Variants in FBXO33 observed in about 807,000 individuals in gnomAD.
FBXO33 encodes the protein F-box protein 33, also known as F-box only protein 33.
FBXO33 carries 22 observed loss-of-function variants against 46.3 expected under a neutral mutation model. The observed-to-expected ratio is 0.48, with a 90% CI of 0.34 to 0.68. FBXO33 has a LOEUF of 0.68. Among genes scored for constraint, FBXO33 ranks in the 30% least tolerant of loss-of-function variants. The probability of loss-of-function intolerance (pLI) is 0.01; values close to 1 mark genes in which losing one functional copy is unlikely to be tolerated. For missense variants in FBXO33, 692 were observed against 708.8 expected (o/e 0.98, Z 0.27); for synonymous variants, 337 against 291.3 (o/e 1.16, Z -1.60).
intron 1 of FBXO33, among the ~76,000 whole-genome samples, chr14:39,428,120 C>T (rs2075524715): frequency 6.6e-6 from 1 of 152,150 alleles, no homozygotes; most frequent in African/African-American, 2.4e-5. Flanking sequence ...AATCTACATA[C>T]AAGCAGTTAG....
intron 1 of FBXO33, among the ~76,000 whole-genome samples, chr14:39,430,898 G>A (rs941488942): frequency 9.9e-5 from 15 of 152,204 alleles, no homozygotes; most frequent in African/African-American, 3.4e-4. Context: ...CAACTCCCTC[G>A]CTGCCCGCCC....
At chr14:39,425,278 T>C (rs1443413766) in intron 1 of FBXO33, among the ~76,000 whole-genome samples, 2 of 152,222 alleles carry the variant, frequency 1.3e-5, no homozygotes, top group African/African-American at 2.4e-5. Context: ...ACTTCATCTA[T>C]GGTAGTAAAC....
chr14:39,401,227 A>T lies in FBXO33; in HGVS notation c.1345T>A (p.Leu449Met). The change falls in exon 3 of 4, where the codon TTG becomes ATG. Residue 449 changes from leucine to methionine, a missense_variant. By Grantham distance (15) the Leu-to-Met change is conservative. This residue lies in a region of FBXO33 where 186 missense variants were observed against 246.1 expected (regional missense o/e 0.76). Transcript: ENST00000298097. Reference sequence around the variant, plus strand: ...GTGCACCTCCATGCTAATAAAACCAACGGATCTTCATTTCGGTTGTCACTA... The same window carrying T: ...GTGCACCTCCATGCTAATAAAACCATCGGATCTTCATTTCGGTTGTCACTA... ...DLSDNRNEDPLVLLAWRCTKL... is the reference protein window; with the variant it reads ...DLSDNRNEDPMVLLAWRCTKL... 1 of 1,612,378 alleles carries T rather than the reference A, an allele frequency of 6.2e-7. No homozygotes were observed. Among genetic ancestry groups the T allele is most frequent in the Non-Finnish European group, 8.5e-7 (1 of 1,179,308 alleles).
chr14:39,414,777 T>C (rs2075439536), intron 1 of FBXO33, among the ~76,000 whole-genome samples: 1 of 152,154 alleles, frequency 6.6e-6, no homozygotes, highest in African/African-American at 2.4e-5. Flanking sequence ...TCCTCCCACC[T>C]CAGCCTCCCA....
Position 39,399,477 on chromosome 14 carries a change from T to A in FBXO33, c.*39A>T, listed in dbSNP as rs1163669748. On this transcript the variant is annotated 3_prime_UTR_variant, in exon 4 of 4. Coordinates refer to ENST00000298097, the MANE Select transcript of FBXO33 (RefSeq NM_203301.4). ...AAAAAAAAACATAATAGGACCCTAC[T>A]TGCATATGTAACCACAGGAATTCTA... The A allele has an allele frequency of 1.3e-6, 2 of 1,567,330 alleles. No homozygotes were observed. Among genetic ancestry groups the A allele is most frequent in the South Asian group, 2.4e-5 (2 of 84,630 alleles).
intron 1 of FBXO33, among the ~76,000 whole-genome samples, chr14:39,421,189 C>A (rs557836569): frequency 6.6e-6 from 1 of 152,304 alleles, no homozygotes; most frequent in Non-Finnish European, 1.5e-5. Context: ...TTTCCTTGAA[C>A]AAAAATTCTC....
At chr14:39,424,881 C>T (rs12588175) in intron 1 of FBXO33, among the ~76,000 whole-genome samples, 40,913 of 151,744 alleles carry the variant, frequency 0.27, 5,755 homozygotes, top group East Asian at 0.52. Context: ...GGTGAAACCC[C>T]GTCTCTACTA....
intron 1 of FBXO33, 129 bp downstream of exon 1, chr14:39,431,435 C>A (rs1461176549): frequency 8.0e-6 from 12 of 1,494,322 alleles, no homozygotes; most frequent in Middle Eastern, 1.9e-4. Context: ...TTAGAACCAA[C>A]ACTCTCCGTC....
rs760396523 is a variant in FBXO33 at position 39,432,147 on chromosome 14, A to T, written c.16T>A (p.Ser6Thr). ...CCCGGCGGTCGGGGCTGCGGCACTG[A>T]CAAGAACAACAACATCAATGACTAG... MLLFL[S>T]VPQPRPPGAR... The change falls in exon 1 of 4, where the codon TCA (serine) becomes ACA (threonine). Residue 6 changes from serine to threonine, a missense_variant. This residue lies in a region of FBXO33 where 412 missense variants were observed against 370.8 expected (regional missense o/e 1.11). Coordinates refer to ENST00000298097, the MANE Select transcript of FBXO33 (RefSeq NM_203301.4). 349 of 1,235,852 alleles carry T rather than the reference A, an allele frequency of 2.8e-4. No individual in the cohort carries two copies. Among genetic ancestry groups the T allele is most frequent in the Admixed American group, 1.2e-3 (29 of 24,204 alleles). The allele number at this position is 1,235,852 out of a possible 1,614,324, so 76.6% of individuals were successfully genotyped here.
At chr14:39,430,683 C>A (rs775112791) in intron 1 of FBXO33, among the ~76,000 whole-genome samples, 2 of 152,062 alleles carry the variant, frequency 1.3e-5, no homozygotes, top group Non-Finnish European at 2.9e-5. Context: ...TCTAAACTTT[C>A]TTCTAATAAG....
At chr14:39,419,824 A>G (rs2075471792) in intron 1 of FBXO33, among the ~76,000 whole-genome samples, 1 of 152,240 alleles carries the variant, frequency 6.6e-6, no homozygotes. Flanking sequence ...TCTTCAAATT[A>G]ATGTACTTTG....
chr14:39,425,165 C>A (rs966250339), intron 1 of FBXO33, among the ~76,000 whole-genome samples: 4 of 152,104 alleles, frequency 2.6e-5, no homozygotes, highest in African/African-American at 4.8e-5. Context: ...TCTTATTATT[C>A]TTCTCAGACT....
At chr14:39,400,745 T>C (rs1459447333) in intron 3 of FBXO33, among the ~76,000 whole-genome samples, 9 of 152,154 alleles carry the variant, frequency 5.9e-5, no homozygotes, top group Non-Finnish European at 1.2e-4. Context: ...AATGGAACCA[T>C]CGTTAAAAAA....
chr14:39,408,398 T>C (rs1310898886), intron 1 of FBXO33, among the ~76,000 whole-genome samples: 1 of 152,208 alleles, frequency 6.6e-6, no homozygotes, highest in Non-Finnish European at 1.5e-5. Flanking sequence ...TATTAGTCTT[T>C]TGCTTGTTTT....
At chr14:39,403,196 C>A (rs2075376931) in intron 1 of FBXO33, among the ~76,000 whole-genome samples, 1 of 152,056 alleles carries the variant, frequency 6.6e-6, no homozygotes, top group African/African-American at 2.4e-5. Context: ...AAGTCACTGC[C>A]CTGAAGATAT....
At chr14:39,405,422 G>C (rs1382082455) in intron 1 of FBXO33, among the ~76,000 whole-genome samples, 1 of 151,904 alleles carries the variant, frequency 6.6e-6, no homozygotes, top group Admixed American at 6.6e-5. Context: ...AAATTTTCTG[G>C]GTTGTGTTAA....
intron 1 of FBXO33, among the ~76,000 whole-genome samples, chr14:39,411,068 G>T (rs766322111): frequency 6.6e-6 from 1 of 151,774 alleles, no homozygotes; most frequent in African/African-American, 2.4e-5. Context: ...AATTCATTAG[G>T]GTTTAAAGTT....
intron 1 of FBXO33, among the ~76,000 whole-genome samples, chr14:39,404,057 G>A (rs1489941899): frequency 6.6e-6 from 1 of 152,110 alleles, no homozygotes; most frequent in African/African-American, 2.4e-5. Context: ...ACCATTTCTT[G>A]ATGGTATGTC....
chr14:39,427,542 A>G (rs1045501315), intron 1 of FBXO33, among the ~76,000 whole-genome samples: 1 of 152,230 alleles, frequency 6.6e-6, no homozygotes, highest in African/African-American at 2.4e-5. Flanking sequence ...AAATATTTCA[A>G]GAAAAATAAG....
Sources: gnomAD v4.1 joint callset for allele counts (sites outside exome capture counted in the v4.1 genomes callset) on GRCh38, gnomAD v4.1.1 for gene constraint, gnomAD v4.1.1 regional missense constraint, MANE v1.5 for transcripts, NCBI Gene and HGNC (gene_info 2026-07-23, HGNC 2026-07-21) for gene names.